WDR41: variants seen among roughly 807,000 people sequenced by gnomAD.
The protein encoded by WDR41 is WD repeat domain 41, also known as WD repeat-containing protein 41.
In WDR41, 63 loss-of-function variants were observed where a neutral mutation model predicts 69.3. The observed-to-expected ratio is 0.91, with a 90% CI of 0.74 to 1.12. WDR41 has a LOEUF of 1.12. Ranked by LOEUF, WDR41 falls within the 50% of genes most tolerant of loss-of-function variation. The probability of loss-of-function intolerance (pLI) is 0.00; values close to 1 mark genes in which losing one functional copy is unlikely to be tolerated. For missense variants in WDR41, 543 were observed against 534.5 expected (o/e 1.02, Z -0.16); for synonymous variants, 185 against 192.1 (o/e 0.96, Z 0.31).
At chr5:77,476,508 G>C (rs537045027) in intron 2 of WDR41, among the ~76,000 whole-genome samples, 3 of 152,164 alleles carry the variant, frequency 2.0e-5, no homozygotes, top group East Asian at 3.9e-4. Context: ...AAGACAGTGG[G>C]GGCCAATATT....
chr5:77,603,191 C>T (rs1441929776), intron 1 of WDR41, among the ~76,000 whole-genome samples: 1 of 152,166 alleles, frequency 6.6e-6, no homozygotes, highest in Admixed American at 6.5e-5. Flanking sequence ...CTGCCTTGGC[C>T]TCCCAAAGTG....
At chr5:77,513,377 A>T (rs1802238659) in intron 1 of WDR41, among the ~76,000 whole-genome samples, 2 of 152,194 alleles carry the variant, frequency 1.3e-5, no homozygotes, top group South Asian at 2.1e-4. Flanking sequence ...TAGCTCTTAA[A>T]CTGAAAAAGA....
At chr5:77,443,406 A>G (rs1799252454) in intron 8 of WDR41, among the ~76,000 whole-genome samples, 1 of 152,212 alleles carries the variant, frequency 6.6e-6, no homozygotes. Context: ...CTTAAGAGAT[A>G]CAGAATTACC....
chr5:77,524,679 G>C lies in WDR41; in HGVS notation c.43-35107C>G, dbSNP rs1254433879. Among the ~76,000 whole-genome samples the C allele has an allele frequency of 3.9e-5, 6 of 151,930 alleles. No homozygotes were observed. In the East Asian group the frequency reaches 1.2e-3, roughly 29 times the overall value. On this transcript the variant is annotated intron_variant, in intron 1 of 5. Transcript: ENST00000509971. ...TCTCAAAGGTTCCATTTTCAGTCTA[G>C]TTTTCCTCAACTCCATAGCTCTTAC...
At chr5:77,490,608 AC>A (rs1801731850) in intron 1 of WDR41, among the ~76,000 whole-genome samples, 1 of 151,868 alleles carries the variant, frequency 6.6e-6, no homozygotes, top group Admixed American at 6.6e-5. Context: ...AAAAACCACC[AC>A]CACAAAGCAT....
chr5:77,448,551 C>T (rs1799478825), intron 8 of WDR41, among the ~76,000 whole-genome samples: 1 of 152,118 alleles, frequency 6.6e-6, no homozygotes, highest in South Asian at 2.1e-4. Context: ...TCCCCTTTGT[C>T]TCACATTCAC....
rs763769188 is a variant in WDR41 at position 77,463,117 on chromosome 5, G to A, written c.326C>T (p.Ala109Val). Reference sequence around the variant, plus strand: ...TACAATAACTGTTCTATCAGCAGAGGCTGTCAAGATGAGTTGATTTTTCTC... The same window carrying A: ...TACAATAACTGTTCTATCAGCAGAGACTGTCAAGATGAGTTGATTTTTCTC... ...CEEKNQLILT[A>V]SADRTVIVWD... is the part of the protein sequence containing the mutation. The change falls in exon 4 of 13, where the codon GCC becomes GTC. Residue 109 changes from alanine (A) to valine (V), a missense_variant. Transcript: ENST00000296679. The A allele has an allele frequency of 8.1e-6, 13 of 1,611,900 alleles. No individual in the cohort carries two copies. Among genetic ancestry groups the A allele is most frequent in the South Asian group, 7.7e-5 (7 of 90,870 alleles).
chr5:77,559,947 C>T (rs1402502294), intron 1 of WDR41, among the ~76,000 whole-genome samples: 2 of 152,036 alleles, frequency 1.3e-5, no homozygotes, highest in East Asian at 3.9e-4. Context: ...CAGTATCATT[C>T]CCAATCTATC....
intron 1 of WDR41, among the ~76,000 whole-genome samples, chr5:77,589,762 T>G (rs1408188926): frequency 6.6e-6 from 1 of 152,184 alleles, no homozygotes; most frequent in Non-Finnish European, 1.5e-5. Context: ...CATAATCATG[T>G]CATTCATGAA....
At chr5:77,462,985 T>A in intron 4 of WDR41, 110 bp downstream of exon 4, 4 of 1,217,356 alleles carry the variant, frequency 3.3e-6, no homozygotes, top group Non-Finnish European at 4.5e-6. Context: ...AAATCATTTT[T>A]GCTATAACAA....
intron 1 of WDR41, among the ~76,000 whole-genome samples, chr5:77,611,909 A>C (rs1282719663): frequency 6.6e-6 from 1 of 152,162 alleles, no homozygotes; most frequent in African/African-American, 2.4e-5. Flanking sequence ...ACTAATAAAG[A>C]AAAAAAGAGA....
At chr5:77,589,599 G>T (rs562876599) in intron 1 of WDR41, among the ~76,000 whole-genome samples, 1 of 152,050 alleles carries the variant, frequency 6.6e-6, no homozygotes, top group East Asian at 1.9e-4. Context: ...CATTTCTTAG[G>T]ATATATTCCT....
intron 1 of WDR41, among the ~76,000 whole-genome samples, chr5:77,609,009 A>G (rs560952488): frequency 1.2e-4 from 19 of 152,272 alleles, no homozygotes; most frequent in Non-Finnish European, 2.4e-4. Context: ...TATATCCCGC[A>G]CCTGGCTCGG....
intron 1 of WDR41, among the ~76,000 whole-genome samples, chr5:77,593,882 CAG>C (rs1276054502): frequency 2.0e-5 from 3 of 152,066 alleles, no homozygotes; most frequent in Non-Finnish European, 1.5e-5. Flanking sequence ...TTAGAGCTAA[CAG>C]AAAGTCTATT....
intron 1 of WDR41, among the ~76,000 whole-genome samples, chr5:77,556,385 G>C (rs1244955978): frequency 6.6e-6 from 1 of 152,010 alleles, no homozygotes; most frequent in Admixed American, 6.5e-5. Flanking sequence ...GATTACAGGC[G>C]TGAGCCGTTG....
chr5:77,549,268 A>G (rs1580004457), intron 1 of WDR41, among the ~76,000 whole-genome samples: 1 of 152,202 alleles, frequency 6.6e-6, no homozygotes, highest in African/African-American at 2.4e-5. Context: ...CCTGTTCCCC[A>G]ATAACCTATG....
chr5:77,559,577 T>C (rs1477112369), intron 1 of WDR41, among the ~76,000 whole-genome samples: 1 of 151,662 alleles, frequency 6.6e-6, no homozygotes, highest in Non-Finnish European at 1.5e-5. Context: ...GTTATATAAA[T>C]ATAATGTTGA....
intron 2 of WDR41, among the ~76,000 whole-genome samples, chr5:77,473,162 TTGACAAACC>T: frequency 6.6e-6 from 1 of 152,252 alleles, no homozygotes; most frequent in East Asian, 1.9e-4. Flanking sequence ...CATCTGATCT[TTGACAAACC>T]TGACAAAAAC....
At chr5:77,538,470 A>G (rs1003096804) in intron 1 of WDR41, among the ~76,000 whole-genome samples, 3 of 152,054 alleles carry the variant, frequency 2.0e-5, no homozygotes, top group Middle Eastern at 3.2e-3. Context: ...TCCCCACTAT[A>G]GTATTCCCCA....
Sources: allele counts gnomAD v4.1 joint callset (sites outside exome capture counted in the v4.1 genomes callset), GRCh38; gene constraint gnomAD v4.1.1; transcripts MANE v1.5; gene names NCBI Gene and HGNC (gene_info 2026-07-23, HGNC 2026-07-21).